The following RYR3 variants were observed in gnomAD, a reference collection of about 807,000 sequenced individuals.
RYR3 encodes the protein brain ryanodine receptor-calcium release channel.
RYR3 carries 207 observed loss-of-function variants against 584.3 expected under a neutral mutation model. The ratio of observed to expected loss-of-function variants is 0.35; its 90% CI spans 0.32 to 0.40. The LOEUF (loss-of-function observed/expected upper bound fraction) is 0.40. Ranked by LOEUF, RYR3 falls within the 10% of genes least tolerant of loss-of-function variation. The pLI, the probability that RYR3 is intolerant of heterozygous loss-of-function variation, is 1.00. For synonymous variants in RYR3, 2,416 were observed against 2,248.5 expected (o/e 1.07, Z -2.11); for missense variants, 5,616 against 6,089.2 (o/e 0.92, Z 2.59).
chr15:33,807,590 G>C (rs369581811), intron 70 of RYR3, 21 bp downstream of exon 70: 182 of 1,549,922 alleles, frequency 1.2e-4, no homozygotes, highest in Middle Eastern at 1.7e-4. Context: ...AATGCATGAC[G>C]TGTCTTTTCT....
At chr15:33,742,546 G>C in intron 52 of RYR3, 102 bp downstream of exon 52, 1 of 781,150 alleles carries the variant, frequency 1.3e-6, no homozygotes, top group Non-Finnish European at 2.2e-6. Flanking sequence ...CTAAGTAACA[G>C]ATTTTCCATG....
chr15:33,670,631 T>C, intron 38 of RYR3, 75 bp downstream of exon 38: 7 of 1,410,626 alleles, frequency 5.0e-6, no homozygotes, highest in African/African-American at 4.3e-5. Flanking sequence ...AAACAAATAC[T>C]GTAAGATAGA....
chr15:33,815,517 G>C (rs2076769723), intron 74 of RYR3: 1 of 204,254 alleles, frequency 4.9e-6, no homozygotes. Flanking sequence ...TTACATATCT[G>C]GGCTGCACCT....
chr15:33,624,093 C>G, intron 20 of RYR3, 70 bp downstream of exon 20: 1 of 1,090,264 alleles, frequency 9.2e-7, no homozygotes, highest in Non-Finnish European at 1.4e-6. Context: ...TTCTTTCTTT[C>G]TTGTTTTTGA....
chr15:33,771,989 A>G lies in RYR3; in HGVS notation c.8886A>G (p.Glu2962=), dbSNP rs1372397861. 1 of 1,613,756 alleles carries G rather than the reference A, an allele frequency of 6.2e-7. No homozygotes were observed. Among genetic ancestry groups the G allele is most frequent in the South Asian group, 1.1e-5 (1 of 90,932 alleles). Residue 2962 remains glutamate, a synonymous_variant, in exon 63 of 104, where the codon GAA becomes GAG. Transcript: ENST00000634891. ...GLRAFFENAA[E]DLEKTSENLK... ...GAGCATTCTTTGAAAATGCTGCAGA[A>G]GATTTGGAGAAGACTTCAGAAAACC...
chr15:33,705,429 T>TAA (rs35809961), intron 42 of RYR3, among the ~76,000 whole-genome samples: 2 of 151,896 alleles, frequency 1.3e-5, no homozygotes, highest in Non-Finnish European at 2.9e-5. Flanking sequence ...CCCTGGAGGT[T>TAA]AAAAAAAATC....
chr15:33,807,473 CAT>C, intron 69 of RYR3, 80 bp from the exon 70 acceptor site: 1 of 1,337,658 alleles, frequency 7.5e-7, no homozygotes, highest in South Asian at 1.3e-5. Context: ...CTATAACTAA[CAT>C]ATGGTGCCTT....
At chr15:33,728,824 A>G (rs753213037) in intron 46 of RYR3, 33 bp from the exon 47 acceptor site, 1 of 1,594,210 alleles carries the variant, frequency 6.3e-7, no homozygotes, top group Non-Finnish European at 8.5e-7. Context: ...GGAGACAGGA[A>G]AAGGGAAATT....
intron 1 of RYR3, among the ~76,000 whole-genome samples, chr15:33,327,961 T>C (rs1394090700): frequency 6.6e-6 from 1 of 152,326 alleles, no homozygotes; most frequent in African/African-American, 2.4e-5. Context: ...TATTCTGAGT[T>C]AGACAATGTG....
At chr15:33,687,645 A>G (rs947970274) in intron 38 of RYR3, among the ~76,000 whole-genome samples, 23 of 152,216 alleles carry the variant, frequency 1.5e-4, no homozygotes, top group Admixed American at 1.4e-3. Flanking sequence ...GAGGCATCAC[A>G]CTACTGATTT....
At chr15:33,442,493 C>T (rs1365963593) in intron 1 of RYR3, among the ~76,000 whole-genome samples, 3 of 152,174 alleles carry the variant, frequency 2.0e-5, no homozygotes, top group South Asian at 4.1e-4. Context: ...TTGAGAATTT[C>T]GGTATGCAAT....
intron 12 of RYR3, among the ~76,000 whole-genome samples, chr15:33,575,159 G>A (rs746582479): frequency 3.8e-4 from 57 of 150,702 alleles, no homozygotes; most frequent in Non-Finnish European, 6.9e-4. Context: ...AAGAGACTTA[G>A]ACTCCCACAC....
At chr15:33,818,538 T>G in intron 75 of RYR3, 40 bp from the exon 76 acceptor site, 2 of 1,500,472 alleles carry the variant, frequency 1.3e-6, no homozygotes, top group Non-Finnish European at 1.9e-6. Flanking sequence ...GGCACGAGAT[T>G]AAATTCATGC....
intron 32 of RYR3, among the ~76,000 whole-genome samples, chr15:33,657,975 ATTAT>A (rs1377226570): frequency 6.6e-6 from 1 of 152,260 alleles, no homozygotes; most frequent in Non-Finnish European, 1.5e-5. Context: ...GAGGAAGTTC[ATTAT>A]TTAAAGAAAA....
At chr15:33,786,278 G>T (rs569454873) in intron 66 of RYR3, among the ~76,000 whole-genome samples, 1 of 152,026 alleles carries the variant, frequency 6.6e-6, no homozygotes, top group Non-Finnish European at 1.5e-5. Flanking sequence ...TTTGATTTTG[G>T]TACTCAAGAA....
intron 3 of RYR3, among the ~76,000 whole-genome samples, chr15:33,508,293 C>T (rs1468909926): frequency 2.0e-5 from 3 of 152,036 alleles, no homozygotes; most frequent in South Asian, 2.1e-4. Flanking sequence ...GTCCAGAACA[C>T]GTAAGATTAT....
At chr15:33,720,963 A>C (rs2067862600) in intron 43 of RYR3, among the ~76,000 whole-genome samples, 1 of 152,230 alleles carries the variant, frequency 6.6e-6, no homozygotes, top group Non-Finnish European at 1.5e-5. Context: ...AAATTGTTTC[A>C]AAATATGTCT....
At chr15:33,794,118 T>C (rs1347628836) in intron 67 of RYR3, among the ~76,000 whole-genome samples, 1 of 109,012 alleles carries the variant, frequency 9.2e-6, no homozygotes, top group East Asian at 3.5e-4. Flanking sequence ...ATAATATACA[T>C]AAATATATAT....
At chr15:33,373,042 C>T (rs1399065760) in intron 1 of RYR3, among the ~76,000 whole-genome samples, 11 of 152,300 alleles carry the variant, frequency 7.2e-5, no homozygotes, top group Admixed American at 5.2e-4. Context: ...ATACTTCTCA[C>T]GTGTCTCTTG....
Sources: gnomAD v4.1 joint callset for allele counts (sites outside exome capture counted in the v4.1 genomes callset) on GRCh38, gnomAD v4.1.1 for gene constraint, MANE v1.5 for transcripts, NCBI Gene and HGNC (gene_info 2026-07-23, HGNC 2026-07-21) for gene names.